The following SMCHD1 variants were observed in gnomAD, a reference collection of about 807,000 sequenced individuals.
The protein encoded by SMCHD1 is structural maintenance of chromosomes flexible hinge domain-containing protein 1.
A neutral mutation model predicts 254.7 loss-of-function variants in SMCHD1; 78 were observed. The ratio of observed to expected loss-of-function variants is 0.31; its 90% CI spans 0.26 to 0.37. The LOEUF (loss-of-function observed/expected upper bound fraction) is 0.37, where lower values mean the gene tolerates loss of function less well. Among genes scored for constraint, SMCHD1 ranks in the 10% least tolerant of loss-of-function variants. The pLI, the probability that SMCHD1 is intolerant of heterozygous loss-of-function variation, is 1.00. For synonymous variants in SMCHD1, 766 were observed against 794.9 expected, an observed-to-expected ratio of 0.96 and a Z score of 0.61; for missense variants, 1,840 against 2,408.1, an observed-to-expected ratio of 0.76 and a Z score of 4.94.
At chr18:2,719,450 C>T (rs1471676257) in intron 19 of SMCHD1, among the ~76,000 whole-genome samples, 1 of 151,934 alleles carries the variant, frequency 6.6e-6, no homozygotes, top group Non-Finnish European at 1.5e-5. Context: ...GTGCCCACCA[C>T]CACACCTGGC....
At position 2,718,072 on chromosome 18, in the gene SMCHD1, G is replaced by A. The variant is rs2074841913; in HGVS notation, c.2261-86G>A. The A allele has an allele frequency of 3.1e-6, 3 of 976,636 alleles. No homozygotes were observed. The highest frequency in any genetic ancestry group is 3.1e-5 in the South Asian group (2 of 65,066). The allele number at this position is 976,636 out of a possible 1,614,324, so 60.5% of individuals were successfully genotyped here. A position where few individuals can be genotyped will look rare whatever the true frequency, so the allele number is the denominator to read the frequency against. On this transcript the variant is annotated intron_variant, in intron 17 of 47. Transcript: ENST00000320876. The surrounding 1 kb of genome is among the most constrained non-coding windows in gnomAD (Gnocchi z 4.6). Reference sequence around the variant, plus strand: ...GCAGGTTTTAAAATACAGCAAATAGGTATTTGGTGCCAATGTGACATTGCG... The same window carrying A: ...GCAGGTTTTAAAATACAGCAAATAGATATTTGGTGCCAATGTGACATTGCG...
chr18:2,738,352 A>G (rs775307604), intron 25 of SMCHD1, 45 bp from the exon 26 acceptor site: 13 of 1,083,186 alleles, frequency 1.2e-5, no homozygotes, highest in South Asian at 4.4e-5. Context: ...GTAAGAGAAC[A>G]TTAGACGAAG....
intron 5 of SMCHD1, among the ~76,000 whole-genome samples, chr18:2,684,938 A>C (rs941791237): frequency 1.1e-4 from 17 of 151,950 alleles, no homozygotes; most frequent in African/African-American, 4.1e-4. Flanking sequence ...TTACTTTGGC[A>C]TAAATGTCAA....
Position 2,738,439 on chromosome 18 carries a change from G to T in SMCHD1, c.3319G>T (p.Gly1107Cys), listed in dbSNP as rs1239118987. 1 of 1,609,718 alleles carries T rather than the reference G, an allele frequency of 6.2e-7. No individual in the cohort carries two copies. Among genetic ancestry groups the T allele is most frequent in the South Asian group, 1.1e-5 (1 of 90,510 alleles). Reference sequence around the variant, plus strand: ...GATTAACAAAGAACACTTGCTACAGGGTCTGCTTCCTGATGTGCAAGTACC... The same window carrying T: ...GATTAACAAAGAACACTTGCTACAGTGTCTGCTTCCTGATGTGCAAGTACC... ...PEINKEHLLQ[G>C]LLPDVQVPTS... Residue 1107 changes from glycine (G) to cysteine (C), a missense_variant, in exon 26 of 48, where the codon GGT becomes TGT. Gly to Cys is a radical substitution (Grantham distance 159, BLOSUM62 -3). This residue lies in a region of SMCHD1 where 881 missense variants were observed against 1,009.5 expected (regional missense o/e 0.87). Transcript: ENST00000320876.
chr18:2,738,619 T>G (rs533430601), intron 26 of SMCHD1, 74 bp downstream of exon 26: 1 of 1,262,244 alleles, frequency 7.9e-7, no homozygotes, highest in East Asian at 2.7e-5. Context: ...ATGAAAGTTG[T>G]TTTTAATGTA....
At chr18:2,671,681 C>T (rs907247661) in intron 3 of SMCHD1, among the ~76,000 whole-genome samples, 10 of 150,934 alleles carry the variant, frequency 6.6e-5, no homozygotes, top group African/African-American at 2.4e-4. Flanking sequence ...CTGCAAGCTC[C>T]GCCTCCCGGG....
At chr18:2,656,708 C>T (rs951443112) in intron 1 of SMCHD1, among the ~76,000 whole-genome samples, 2 of 152,226 alleles carry the variant, frequency 1.3e-5, no homozygotes, top group African/African-American at 4.8e-5. Flanking sequence ...TTGTGAAATG[C>T]CCGGAGTCAT....
intron 38 of SMCHD1, 43 bp downstream of exon 38, chr18:2,769,863 A>G: frequency 1.3e-6 from 2 of 1,572,438 alleles, no homozygotes; most frequent in Non-Finnish European, 1.7e-6. Flanking sequence ...GTTGTTAGTG[A>G]TACTTTAGAT....
At chr18:2,706,322 TA>T (rs1435643145) in intron 14 of SMCHD1, 41 bp from the exon 15 acceptor site, 1 of 1,351,208 alleles carries the variant, frequency 7.4e-7, no homozygotes, top group African/African-American at 1.5e-5. Context: ...CAGCTAGATT[TA>T]AATAGTTTTC....
intron 3 of SMCHD1, among the ~76,000 whole-genome samples, chr18:2,671,729 G>A (rs1433653217): frequency 1.3e-5 from 2 of 151,390 alleles, no homozygotes; most frequent in East Asian, 3.9e-4. Flanking sequence ...CTGAGTAGCT[G>A]GGACTGCAGG....
At chr18:2,761,837 G>A (rs1246543341) in intron 35 of SMCHD1, among the ~76,000 whole-genome samples, 1 of 151,728 alleles carries the variant, frequency 6.6e-6, no homozygotes, top group Non-Finnish European at 1.5e-5. Context: ...AAAAACTGTC[G>A]GTATACTAAT....
intron 17 of SMCHD1, among the ~76,000 whole-genome samples, chr18:2,710,226 G>C (rs2074635535): frequency 6.6e-6 from 1 of 152,112 alleles, no homozygotes; most frequent in Non-Finnish European, 1.5e-5. Context: ...ATTTATTTCT[G>C]GGCTCCCTGT....
chr18:2,753,040 G>C (rs996707406), intron 34 of SMCHD1: 2 of 162,622 alleles, frequency 1.2e-5, no homozygotes, highest in African/African-American at 4.8e-5. Flanking sequence ...GACCAATCAT[G>C]GAAGCTCCAC....
intron 33 of SMCHD1, 96 bp from the exon 34 acceptor site, chr18:2,752,392 A>G: frequency 4.0e-6 from 3 of 752,204 alleles, no homozygotes; most frequent in Admixed American, 4.5e-5. Context: ...CCAGATACAC[A>G]TTCAGTTTAG....
intron 1 of SMCHD1, among the ~76,000 whole-genome samples, chr18:2,657,627 C>T (rs1188609587): frequency 6.6e-6 from 1 of 152,078 alleles, no homozygotes; most frequent in South Asian, 2.1e-4. Flanking sequence ...TCTTTTCAGC[C>T]TTCCTCCTCC....
In SMCHD1 at chr18:2,804,094, ATGAT is replaced by A. The variant is rs1007136575; in HGVS notation, c.*1551_*1554del. On this transcript the variant is annotated 3_prime_UTR_variant, in exon 48 of 48. Coordinates refer to ENST00000320876, the MANE Select transcript of SMCHD1 (RefSeq NM_015295.3). ...TCCTTAGACATTAGATTATATGAAA[ATGAT>A]TGATTGATAGGTAAGAAAGGTTAAA... is the stretch of plus-strand genomic sequence containing the variant. The A allele has an allele frequency of 2.6e-5, 4 of 152,292 alleles. No individual in the cohort carries two copies. In the East Asian group the frequency reaches 5.8e-4, roughly 22 times the overall value. 9.4% of individuals were successfully genotyped at this position (152,292 alleles called of 1,614,324 possible). A position where few individuals can be genotyped will look rare whatever the true frequency, so the allele number is the denominator to read the frequency against.
At chr18:2,789,131 C>T (rs1039206820) in intron 45 of SMCHD1, among the ~76,000 whole-genome samples, 1 of 152,132 alleles carries the variant, frequency 6.6e-6, no homozygotes, top group African/African-American at 2.4e-5. Context: ...AGGTGATCCT[C>T]CCACCTTAGC....
intron 40 of SMCHD1, 26 bp from the exon 41 acceptor site, chr18:2,772,224 A>G (rs1598429552): frequency 2.0e-6 from 3 of 1,535,328 alleles, no homozygotes; most frequent in Non-Finnish European, 2.6e-6. Flanking sequence ...TTGGTCTTGT[A>G]GTTAATTTTT....
At chr18:2,770,196 T>C in intron 39 of SMCHD1, 88 bp downstream of exon 39, 2 of 1,346,448 alleles carry the variant, frequency 1.5e-6, no homozygotes, top group Non-Finnish European at 2.0e-6. Context: ...GCTTCCACTT[T>C]CCTAAATTAC....
Sources: allele counts gnomAD v4.1 joint callset (sites outside exome capture counted in the v4.1 genomes callset), GRCh38; gene constraint gnomAD v4.1.1; regional missense constraint gnomAD v4.1.1; non-coding constraint Gnocchi (gnomAD v3.1); transcripts MANE v1.5; gene names NCBI Gene and HGNC (gene_info 2026-07-23, HGNC 2026-07-21).